The following ASTN2 variants were observed in gnomAD, a reference collection of about 807,000 sequenced individuals.
ASTN2 encodes the protein astrotactin 2.
In ASTN2, 54 loss-of-function variants were observed where a neutral mutation model predicts 139.8. The ratio of observed to expected loss-of-function variants is 0.39; its 90% CI spans 0.31 to 0.48. ASTN2 has a LOEUF of 0.48. Among genes scored for constraint, ASTN2 ranks in the 20% least tolerant of loss-of-function variants. ASTN2 has a pLI of 0.95. For missense variants in ASTN2, 1,565 were observed against 1,725.1 expected (o/e 0.91, Z 1.64); for synonymous variants, 756 against 719.5 (o/e 1.05, Z -0.81).
intron 13 of ASTN2, among the ~76,000 whole-genome samples, chr9:116,787,281 C>A (rs1257161631): frequency 6.6e-6 from 1 of 152,188 alleles, no homozygotes; most frequent in East Asian, 1.9e-4. Context: ...CCCTGACCTG[C>A]CTTTTCTTAA....
rs561309310 is a variant in ASTN2 at position 116,499,439 on chromosome 9, T to G, written c.3356-11939A>C. Among the ~76,000 whole-genome samples, 5 of 152,234 alleles carry G rather than the reference T, an allele frequency of 3.3e-5. No individual in the cohort carries two copies. In the South Asian group the frequency reaches 1.0e-3, roughly 32 times the overall value. Reference sequence around the variant, plus strand: ...TCATACCCAATGTCTTTCAAAAAGCTCTTCTTGGTCACTCTTTGCCTTCAC... The same window carrying G: ...TCATACCCAATGTCTTTCAAAAAGCGCTTCTTGGTCACTCTTTGCCTTCAC... On this transcript the variant is annotated intron_variant, in intron 19 of 22. Coordinates refer to ENST00000313400, the MANE Select transcript of ASTN2 (RefSeq NM_001365068.1).
chr9:117,205,415 A>G (rs1831884825), intron 3 of ASTN2, among the ~76,000 whole-genome samples: 1 of 152,194 alleles, frequency 6.6e-6, no homozygotes, highest in Non-Finnish European at 1.5e-5. Flanking sequence ...TAACCCTTCA[A>G]GGAGGAAACT....
At chr9:117,061,899 T>A (rs1445673829) in intron 5 of ASTN2, among the ~76,000 whole-genome samples, 2 of 152,198 alleles carry the variant, frequency 1.3e-5, no homozygotes, top group African/African-American at 4.8e-5. Flanking sequence ...AAACCTACCA[T>A]ATGCCACATA....
At chr9:116,671,600 C>A (rs1358006486) in intron 16 of ASTN2, among the ~76,000 whole-genome samples, 1 of 152,106 alleles carries the variant, frequency 6.6e-6, no homozygotes, top group Non-Finnish European at 1.5e-5. Context: ...TGCTCCCAAG[C>A]AACAGAATAT....
intron 19 of ASTN2, among the ~76,000 whole-genome samples, chr9:116,502,678 GGAAA>G (rs1391212507): frequency 7.6e-5 from 8 of 105,672 alleles, no homozygotes; most frequent in Admixed American, 4.9e-4. Context: ...AAGGAAGAAA[GGAAA>G]GAAGGAAGGA....
intron 2 of ASTN2, among the ~76,000 whole-genome samples, chr9:117,262,585 G>C (rs1013779456): frequency 6.6e-6 from 1 of 152,012 alleles, no homozygotes. Flanking sequence ...TGGCCAACTG[G>C]AGCATTGCAG....
At chr9:116,526,278 G>A (rs1382341744) in intron 19 of ASTN2, among the ~76,000 whole-genome samples, 1 of 152,154 alleles carries the variant, frequency 6.6e-6, no homozygotes, top group Admixed American at 6.5e-5. Flanking sequence ...TGTAATATGG[G>A]AATAATCATA....
intron 7 of ASTN2, among the ~76,000 whole-genome samples, chr9:116,993,995 G>T (rs1456515910): frequency 6.6e-6 from 1 of 151,490 alleles, no homozygotes; most frequent in African/African-American, 2.4e-5. Context: ...TTCTGTCAGA[G>T]CCTCACATCC....
chr9:116,748,224 C>T (rs1265927931), intron 13 of ASTN2, among the ~76,000 whole-genome samples: 3 of 152,162 alleles, frequency 2.0e-5, no homozygotes, highest in African/African-American at 4.8e-5. Context: ...ATTAGCCCTG[C>T]CCCAGAAGCT....
intron 10 of ASTN2, among the ~76,000 whole-genome samples, chr9:116,901,092 G>A (rs1244314005): frequency 6.7e-6 from 1 of 150,254 alleles, no homozygotes; most frequent in African/African-American, 2.4e-5. Flanking sequence ...GCTACTGATT[G>A]TGTGTGTGTG....
chr9:117,062,392 A>T (rs577276258), intron 5 of ASTN2, among the ~76,000 whole-genome samples: 12 of 152,330 alleles, frequency 7.9e-5, no homozygotes, highest in African/African-American at 2.6e-4. Context: ...AGCAAGTGCA[A>T]CTTTCTGTTG....
chr9:116,696,221 C>A (rs946775219), intron 16 of ASTN2, among the ~76,000 whole-genome samples: 1 of 152,124 alleles, frequency 6.6e-6, no homozygotes, highest in Non-Finnish European at 1.5e-5. Flanking sequence ...ATTTACCTTT[C>A]CAAGTCTGTT....
chr9:116,850,024 C>G (rs7869834), intron 11 of ASTN2, among the ~76,000 whole-genome samples: 4,083 of 152,248 alleles, frequency 0.027, 209 homozygotes, highest in African/African-American at 0.094. Context: ...TGAATGGAGA[C>G]AGATGCCATA....
At chr9:116,630,516 G>A (rs1392064357) in intron 17 of ASTN2, among the ~76,000 whole-genome samples, 5 of 152,172 alleles carry the variant, frequency 3.3e-5, no homozygotes, top group African/African-American at 9.7e-5. Context: ...ACTAAGGGCA[G>A]GTAGCACATG....
In ASTN2 at chr9:116,699,368, T is replaced by A. The variant is rs760108488; in HGVS notation, c.2806+26403A>T. The A allele has an allele frequency of 6.2e-7, 1 of 1,614,214 alleles. No homozygotes were observed. The highest frequency in any genetic ancestry group is 8.5e-7 in the Non-Finnish European group (1 of 1,180,036). ...GCCTCAATCTGGAGAATCGGCAGAA[T>A]GAGCACCACCTGGAGGGTGGCTTTT... On this transcript the variant is annotated intron_variant, in intron 16 of 22. Coordinates refer to ENST00000313400, the MANE Select transcript of ASTN2 (RefSeq NM_001365068.1). This position sits in a 1 kb window ranked among gnomAD's most constrained non-coding sequence, Gnocchi z 4.2.
Position 117,237,517 on chromosome 9 carries a change from T to C in ASTN2, c.631-22775A>G, listed in dbSNP as rs547433464. On this transcript the variant is annotated intron_variant, in intron 2 of 22. Transcript: ENST00000313400. Reference sequence around the variant, plus strand: ...TCTTTTGAGACAGAGTTTTGCTCAGTTGCCCAGCCTGGAGTGCAATGGTGT... The same window carrying C: ...TCTTTTGAGACAGAGTTTTGCTCAGCTGCCCAGCCTGGAGTGCAATGGTGT... Among the ~76,000 whole-genome samples the C allele has an allele frequency of 3.5e-4, 54 of 152,284 alleles. 1 individual carries two copies. Among genetic ancestry groups the C allele is most frequent in the South Asian group, 1.0e-3 (5 of 4,822 alleles).
intron 17 of ASTN2, among the ~76,000 whole-genome samples, chr9:116,640,397 G>A (rs548485749): frequency 6.6e-6 from 1 of 152,198 alleles, no homozygotes; most frequent in African/African-American, 2.4e-5. Context: ...TGTTATGGAA[G>A]AAAGACAAAG....
At chr9:117,031,723 A>T (rs908387179) in intron 6 of ASTN2, among the ~76,000 whole-genome samples, 7 of 152,128 alleles carry the variant, frequency 4.6e-5, no homozygotes, top group Non-Finnish European at 8.8e-5. Context: ...TCAGGCAAAG[A>T]AAACACCATG....
intron 3 of ASTN2, among the ~76,000 whole-genome samples, chr9:117,151,158 G>A (rs773669227): frequency 1.7e-4 from 26 of 151,860 alleles, no homozygotes; most frequent in Non-Finnish European, 3.7e-4. Flanking sequence ...ACCATGCCGT[G>A]CTATTGACAA....
Sources: gnomAD v4.1 joint callset for allele counts (sites outside exome capture counted in the v4.1 genomes callset) on GRCh38, gnomAD v4.1.1 for gene constraint, Gnocchi (gnomAD v3.1) non-coding constraint, MANE v1.5 for transcripts, NCBI Gene and HGNC (gene_info 2026-07-23, HGNC 2026-07-21) for gene names.